Variants in CATSPERE observed in about 807,000 individuals in gnomAD.
CATSPERE encodes the protein catsper channel auxiliary subunit epsilon, also known as cation channel sperm-associated auxiliary subunit epsilon.
CATSPERE carries 93 observed loss-of-function variants against 114.1 expected under a neutral mutation model. The observed-to-expected ratio is 0.81, with a 90% CI of 0.69 to 0.97. The LOEUF (loss-of-function observed/expected upper bound fraction) is 0.97. CATSPERE is among the 50% of genes least tolerant of loss of function. The probability of loss-of-function intolerance (pLI) is 0.00; values close to 1 mark genes in which losing one functional copy is unlikely to be tolerated. For missense variants in CATSPERE, 1,058 were observed against 1,131.6 expected (o/e 0.93, Z 0.93); for synonymous variants, 341 against 384.1 (o/e 0.89, Z 1.31).
chr1:244,607,622 C>T lies in CATSPERE; in HGVS notation c.2403+1828C>T, dbSNP rs768267063. 3.9e-5 allele frequency among the ~76,000 whole-genome samples: 6 copies of T among 152,188 alleles called. No homozygotes were observed. Among genetic ancestry groups the T allele is most frequent in the Non-Finnish European group, 5.9e-5 (4 of 68,042 alleles). On this transcript the variant is annotated intron_variant, in intron 18 of 21. Transcript: ENST00000366534. The surrounding 1 kb of genome is among the most constrained non-coding windows in gnomAD (Gnocchi z 4.4). Reference sequence around the variant, plus strand: ...AGGTGAAGTGCTTAAGAAGGAATCACGTGAACCTTCACGCTTTCCATCATA... The same window carrying T: ...AGGTGAAGTGCTTAAGAAGGAATCATGTGAACCTTCACGCTTTCCATCATA...
At chr1:244,553,600 A>AAAAAACACAC (rs1553356088) in intron 9 of CATSPERE, among the ~76,000 whole-genome samples, 1 of 32,578 alleles carries the variant, frequency 3.1e-5, no homozygotes, top group African/African-American at 1.1e-4. Flanking sequence ...AAAAAAAAAA[A>AAAAAACACAC]ATACACACAC....
At chr1:244,461,208 G>A (rs1051027179), upstream of CATSPERE, among the ~76,000 whole-genome samples, 2 of 152,116 alleles carry the variant, frequency 1.3e-5, no homozygotes, top group Non-Finnish European at 2.9e-5. Context: ...CTCGTGTGCA[G>A]GTTCGCACTC....
chr1:244,521,413 G>A (rs899058435), intron 8 of CATSPERE, among the ~76,000 whole-genome samples: 2 of 151,966 alleles, frequency 1.3e-5, no homozygotes, highest in African/African-American at 4.8e-5. Flanking sequence ...ATATGATCAA[G>A]TTGATTTATA....
At chr1:244,485,299 A>G (rs113146154) in intron 5 of CATSPERE, among the ~76,000 whole-genome samples, 89 of 151,804 alleles carry the variant, frequency 5.9e-4, no homozygotes, top group African/African-American at 2.1e-3. Context: ...CTCCTGCCTC[A>G]GCCTCCCTAG....
intron 1 of CATSPERE, 31 bp downstream of exon 1, chr1:244,461,525 TAGGCGGGGATTACCCCCGGCGGGGC>T (rs1666776894): frequency 1.6e-6 from 2 of 1,276,040 alleles, no homozygotes; most frequent in African/African-American, 1.5e-5. Context: ...GGCGAGCGAC[TAGGCGGGGATTACCCCCGGCGGGGC>T]AGGCGGGAGG....
intron 8 of CATSPERE, among the ~76,000 whole-genome samples, chr1:244,543,442 G>A (rs570250578): frequency 1.8e-4 from 27 of 151,776 alleles, no homozygotes; most frequent in Non-Finnish European, 2.9e-4. Context: ...AGTTGACCTC[G>A]TAGAAGTAGA....
intron 8 of CATSPERE, among the ~76,000 whole-genome samples, chr1:244,518,905 C>T (rs956344714): frequency 2.0e-5 from 3 of 152,080 alleles, no homozygotes; most frequent in African/African-American, 4.8e-5. Flanking sequence ...TGTGTCCATA[C>T]ATAATCCTCA....
rs956069186 is a variant in CATSPERE, at chr1:244,504,873, C to T, written c.429+5794C>T. 4.0e-4 allele frequency among the ~76,000 whole-genome samples: 61 copies of T among 152,178 alleles called. 1 individual carries two copies. Among genetic ancestry groups the T allele is most frequent in the Non-Finnish European group, 1.0e-4 (7 of 68,030 alleles). ...TCTTCTCCCTGTCCATGTTGTTCGCCTTGGAAGTAAGTCACTCAGTACAGT... is the reference window on the plus strand; with the variant it reads ...TCTTCTCCCTGTCCATGTTGTTCGCTTTGGAAGTAAGTCACTCAGTACAGT... On this transcript the variant is annotated intron_variant, in intron 7 of 21. Transcript: ENST00000366534. This position sits in a 1 kb window ranked among gnomAD's most constrained non-coding sequence, Gnocchi z 4.1.
intron 7 of CATSPERE, among the ~76,000 whole-genome samples, chr1:244,499,860 A>T (rs951005291): frequency 6.6e-6 from 1 of 152,156 alleles, no homozygotes; most frequent in Admixed American, 6.5e-5. Flanking sequence ...TTATATACCC[A>T]CTAATGGGAT....
chr1:244,528,029 GT>G, intron 8 of CATSPERE, among the ~76,000 whole-genome samples: 1 of 152,320 alleles, frequency 6.6e-6, no homozygotes, highest in Middle Eastern at 3.4e-3. Flanking sequence ...TGCCATGGTG[GT>G]TTGCTGCACA....
chr1:244,576,066 C>A lies in CATSPERE; in HGVS notation c.1950+3294C>A, dbSNP rs140804640. Among the ~76,000 whole-genome samples the A allele has an allele frequency of 2.3e-4, 35 of 152,228 alleles. 1 individual carries two copies. Among genetic ancestry groups the A allele is most frequent in the African/African-American group, 8.2e-4 (34 of 41,554 alleles). The stretch of plus-strand genomic sequence containing the variant: ...GGCTTTCTTTCCTTAGTCCTGACCA[C>A]CAAGGAAATACTTTACCGGCTCCTC... On this transcript the variant is annotated intron_variant, in intron 11 of 21. Coordinates refer to ENST00000366534, the MANE Select transcript of CATSPERE (RefSeq NM_001130957.2).
intron 19 of CATSPERE, among the ~76,000 whole-genome samples, chr1:244,611,131 C>T (rs1338474095): frequency 6.6e-6 from 1 of 152,116 alleles, no homozygotes; most frequent in Non-Finnish European, 1.5e-5. Context: ...CTTTCAAAAT[C>T]TTATTTATTT....
chr1:244,629,000 G>C (rs1232290691), intron 20 of CATSPERE, among the ~76,000 whole-genome samples: 1 of 152,152 alleles, frequency 6.6e-6, no homozygotes, highest in East Asian at 1.9e-4. Flanking sequence ...TCAGTTATAA[G>C]AGGCAACCCA....
At chr1:244,559,162 C>T (rs1477936629) in intron 9 of CATSPERE, among the ~76,000 whole-genome samples, 2 of 152,162 alleles carry the variant, frequency 1.3e-5, no homozygotes. Context: ...GTGTTTATGA[C>T]GTGTTCCTCT....
chr1:244,479,753 C>A lies in CATSPERE; in HGVS notation c.295C>A (p.His99Asn). Residue 99 changes from histidine to asparagine, a missense_variant, in exon 5 of 22, where the codon CAT (histidine) becomes AAT (asparagine). Around this residue, in one of 2 missense-constraint regions of CATSPERE, gnomAD observed 271 missense variants for 225.9 expected, o/e 1.20. Transcript: ENST00000366534. ...ACGCTATTTATTTGTGGAAAGTTCT[C>A]ATACTTGCTTTCTGTGGTACTATAG... is the stretch of plus-strand genomic sequence containing the variant. Reference protein sequence around the residue: ...EERYLFVESSHTCFLWYYRVR... With the variant: ...EERYLFVESSNTCFLWYYRVR... 1 of 1,599,542 alleles carries A rather than the reference C, an allele frequency of 6.3e-7. No individual in the cohort carries two copies.
chr1:244,635,596 G>T, intron 21 of CATSPERE, 54 bp downstream of exon 21: 1 of 1,412,126 alleles, frequency 7.1e-7, no homozygotes, highest in Non-Finnish European at 1.0e-6. Context: ...AGACACAAAT[G>T]GCAGCTAAGA....
chr1:244,551,867 A>G (rs1660690550), intron 8 of CATSPERE, among the ~76,000 whole-genome samples: 1 of 152,056 alleles, frequency 6.6e-6, no homozygotes, highest in African/African-American at 2.4e-5. Context: ...GATTGAGACC[A>G]TCCTGGCTAA....
chr1:244,483,195 A>G (rs909216334), intron 5 of CATSPERE, among the ~76,000 whole-genome samples: 2 of 152,232 alleles, frequency 1.3e-5, no homozygotes, highest in Non-Finnish European at 2.9e-5. Context: ...GAAATTTATT[A>G]GAAGTGAAGA....
intron 8 of CATSPERE, among the ~76,000 whole-genome samples, chr1:244,520,222 G>GT (rs1236101293): frequency 1.3e-5 from 2 of 151,938 alleles, no homozygotes; most frequent in Non-Finnish European, 2.9e-5. Flanking sequence ...AATCCAAACT[G>GT]TTTTTTTCCT....
Sources: gnomAD v4.1 joint callset for allele counts (sites outside exome capture counted in the v4.1 genomes callset) on GRCh38, gnomAD v4.1.1 for gene constraint, gnomAD v4.1.1 regional missense constraint, Gnocchi (gnomAD v3.1) non-coding constraint, MANE v1.5 for transcripts, NCBI Gene and HGNC (gene_info 2026-07-23, HGNC 2026-07-21) for gene names.